The following SGCZ variants were observed in gnomAD, a reference collection of about 807,000 sequenced individuals.
The protein encoded by SGCZ is zeta-sarcoglycan.
Under a neutral mutation model 41.3 loss-of-function variants are expected in SGCZ, and 40 were observed. The ratio of observed to expected loss-of-function variants is 0.97; its 90% CI spans 0.75 to 1.26. SGCZ has a LOEUF of 1.26. Ranked by LOEUF, SGCZ falls within the 50% of genes most tolerant of loss-of-function variation. The pLI, the probability that SGCZ is intolerant of heterozygous loss-of-function variation, is 0.00. For synonymous variants in SGCZ, 206 were observed against 137.5 expected (o/e 1.50, Z -3.49); for missense variants, 552 against 369.8 (o/e 1.49, Z -4.04).
At chr8:14,239,743 A>C (rs4364628) in intron 3 of SGCZ, among the ~76,000 whole-genome samples, 34,709 of 149,816 alleles carry the variant, frequency 0.23, 4,871 homozygotes, top group South Asian at 0.41. Context: ...TCTACTAAAA[A>C]TACAAAAAAT....
chr8:15,156,949 AAAAAAAAAAAG>A (rs1017709992), intron 1 of SGCZ, among the ~76,000 whole-genome samples: 13 of 151,576 alleles, frequency 8.6e-5, no homozygotes, highest in African/African-American at 3.2e-4. Flanking sequence ...TGTCTCAAAA[AAAAAAAAAAAG>A]AAAAGAAAAA....
intron 1 of SGCZ, among the ~76,000 whole-genome samples, chr8:14,936,402 A>G (rs1189301774): frequency 6.6e-6 from 1 of 151,980 alleles, no homozygotes; most frequent in Non-Finnish European, 1.5e-5. Flanking sequence ...TGTAATACAA[A>G]GCCTAGTTTA....
chr8:14,888,940 A>G (rs1804909309), intron 1 of SGCZ, among the ~76,000 whole-genome samples: 1 of 152,164 alleles, frequency 6.6e-6, no homozygotes, highest in Non-Finnish European at 1.5e-5. Flanking sequence ...CTTGGTGCAT[A>G]TTTCAAATAA....
At chr8:15,148,724 G>A (rs1344259011) in intron 1 of SGCZ, among the ~76,000 whole-genome samples, 1 of 152,202 alleles carries the variant, frequency 6.6e-6, no homozygotes, top group Non-Finnish European at 1.5e-5. Flanking sequence ...CTCCAAGCAA[G>A]CCTGGATGCT....
intron 1 of SGCZ, among the ~76,000 whole-genome samples, chr8:14,686,414 T>C (rs1808613627): frequency 6.6e-6 from 1 of 151,946 alleles, no homozygotes; most frequent in South Asian, 2.1e-4. Context: ...GCAAGAACAA[T>C]TAGGAGATTG....
intron 2 of SGCZ, among the ~76,000 whole-genome samples, chr8:14,455,034 C>T (rs1305849765): frequency 6.6e-6 from 1 of 151,924 alleles, no homozygotes; most frequent in East Asian, 1.9e-4. Context: ...CATCTGACTA[C>T]ACAAATCTTT....
intron 1 of SGCZ, among the ~76,000 whole-genome samples, chr8:14,892,263 G>A (rs187275182): frequency 9.2e-5 from 14 of 152,246 alleles, no homozygotes; most frequent in African/African-American, 3.1e-4. Flanking sequence ...GTGCCATCAG[G>A]ATATATCTGC....
chr8:14,784,902 CA>C (rs1182679983), intron 1 of SGCZ, among the ~76,000 whole-genome samples: 6 of 39,562 alleles, frequency 1.5e-4, no homozygotes, highest in African/African-American at 3.9e-4. Context: ...AACTCTGCCT[CA>C]AAAAAAAAAA....
Position 14,609,293 on chromosome 8 carries a change from C to T in SGCZ, c.40-54367G>A, listed in dbSNP as rs542839593. ...AATTCTTTGATTCGTTATTATATAA[C>T]GTCAATGCTGGTATTACAATGAAAT... On this transcript the variant is annotated intron_variant, in intron 1 of 7. Coordinates refer to ENST00000382080, the MANE Select transcript of SGCZ (RefSeq NM_139167.4). Among the ~76,000 whole-genome samples, 66 of 151,866 alleles carry T rather than the reference C, an allele frequency of 4.3e-4. 1 individual carries two copies. The highest frequency in any genetic ancestry group is 1.5e-3 in the African/African-American group (62 of 41,400).
chr8:14,900,611 C>G (rs368047849), intron 1 of SGCZ, among the ~76,000 whole-genome samples: 1 of 152,098 alleles, frequency 6.6e-6, no homozygotes, highest in South Asian at 2.1e-4. Context: ...TCATCAATAC[C>G]GAAAACCTTC....
chr8:14,330,586 A>C (rs1323958415), intron 2 of SGCZ, among the ~76,000 whole-genome samples: 2 of 151,984 alleles, frequency 1.3e-5, no homozygotes, highest in Non-Finnish European at 2.9e-5. Flanking sequence ...TGACTGTTTA[A>C]ATTTTAAATT....
chr8:15,112,176 G>A (rs73525069), intron 1 of SGCZ, among the ~76,000 whole-genome samples: 6,216 of 152,148 alleles, frequency 0.041, 418 homozygotes, highest in African/African-American at 0.14. Flanking sequence ...CTCTTTCACC[G>A]CGAGAACATA....
In SGCZ at chr8:14,088,071, A is replaced by C. The variant is rs573183970; in HGVS notation, c.*2372T>G. Among the ~76,000 whole-genome samples, 1 of 150,746 alleles carries C rather than the reference A, an allele frequency of 6.6e-6. No homozygotes were observed. Among genetic ancestry groups the C allele is most frequent in the East Asian group, 2.0e-4 (1 of 5,108 alleles). On this transcript the variant is annotated 3_prime_UTR_variant, in exon 8 of 8. Transcript: ENST00000382080. ...ATCGGTTTTTACATCTTTTTTTCTCACTTTTTTTTTCATCTTTTCTCCTCT... is the reference window on the plus strand; with the variant it reads ...ATCGGTTTTTACATCTTTTTTTCTCCCTTTTTTTTTCATCTTTTCTCCTCT...
At chr8:14,406,941 C>T (rs771963356) in intron 2 of SGCZ, among the ~76,000 whole-genome samples, 1 of 152,040 alleles carries the variant, frequency 6.6e-6, no homozygotes, top group Non-Finnish European at 1.5e-5. Context: ...ATCACTGGCT[C>T]GCTTTAGAAT....
intron 1 of SGCZ, among the ~76,000 whole-genome samples, chr8:14,972,490 G>A (rs1020084167): frequency 4.6e-5 from 7 of 152,036 alleles, no homozygotes; most frequent in Non-Finnish European, 8.8e-5. Flanking sequence ...TGCTTATGTA[G>A]ACCATTAAAT....
chr8:14,972,548 T>C (rs1187290401), intron 1 of SGCZ, among the ~76,000 whole-genome samples: 1 of 152,186 alleles, frequency 6.6e-6, no homozygotes, highest in Non-Finnish European at 1.5e-5. Context: ...CATCTTGTTG[T>C]TTGTTTTCTA....
intron 1 of SGCZ, among the ~76,000 whole-genome samples, chr8:15,166,388 C>T (rs1318693770): frequency 7.2e-5 from 11 of 151,960 alleles, no homozygotes; most frequent in African/African-American, 1.7e-4. Context: ...GCTGGGACTA[C>T]AGGCGCCCAC....
At chr8:14,150,771 C>G (rs1803675651) in intron 5 of SGCZ, among the ~76,000 whole-genome samples, 1 of 152,110 alleles carries the variant, frequency 6.6e-6, no homozygotes. Flanking sequence ...TGGAAACAAC[C>G]TAAGTGTCCA....
chr8:14,975,674 C>G (rs577925444), intron 1 of SGCZ, among the ~76,000 whole-genome samples: 1 of 151,912 alleles, frequency 6.6e-6, no homozygotes, highest in Non-Finnish European at 1.5e-5. Context: ...GACAATTACA[C>G]AGCAGTGATT....
Sources: allele counts gnomAD v4.1 joint callset (sites outside exome capture counted in the v4.1 genomes callset), GRCh38; gene constraint gnomAD v4.1.1; transcripts MANE v1.5; gene names NCBI Gene and HGNC (gene_info 2026-07-23, HGNC 2026-07-21).